MAGI1: variants seen among roughly 807,000 people sequenced by gnomAD.
The protein encoded by MAGI1 is membrane associated guanylate kinase, WW and PDZ domain containing 1, also known as membrane-associated guanylate kinase, WW and PDZ domain-containing protein 1.
MAGI1 carries 58 observed loss-of-function variants against 139.9 expected under a neutral mutation model. The observed-to-expected ratio is 0.41, with a 90% CI of 0.34 to 0.52. MAGI1 has a LOEUF of 0.52. Among genes scored for constraint, MAGI1 ranks in the 20% least tolerant of loss-of-function variants. MAGI1 has a pLI of 0.12. For missense variants in MAGI1, 1,874 were observed against 1,901.6 expected (o/e 0.99, Z 0.27); for synonymous variants, 812 against 737.9 (o/e 1.10, Z -1.63).
intron 5 of MAGI1, among the ~76,000 whole-genome samples, chr3:65,468,875 G>A (rs953793651): frequency 6.6e-5 from 10 of 151,644 alleles, no homozygotes; most frequent in Admixed American, 2.0e-4. Flanking sequence ...GATAGAGGCT[G>A]CAGTGAGCTA....
intron 1 of MAGI1, among the ~76,000 whole-genome samples, chr3:65,647,699 C>T (rs891667999): frequency 9.2e-5 from 14 of 152,108 alleles, no homozygotes; most frequent in African/African-American, 3.4e-4. Flanking sequence ...TAAGATTCAA[C>T]ATTCTTTTAT....
intron 2 of MAGI1, among the ~76,000 whole-genome samples, chr3:65,598,298 G>A (rs2082323405): frequency 1.3e-5 from 2 of 152,172 alleles, no homozygotes; most frequent in Non-Finnish European, 2.9e-5. Flanking sequence ...GGCCCTGTGG[G>A]AGCCCCTGGA....
At chr3:65,626,099 A>G (rs550815622) in intron 1 of MAGI1, among the ~76,000 whole-genome samples, 53 of 152,346 alleles carry the variant, frequency 3.5e-4, no homozygotes, top group Non-Finnish European at 6.3e-4. Context: ...AATTTCTCTT[A>G]GGTGACAAGA....
intron 2 of MAGI1, among the ~76,000 whole-genome samples, chr3:65,497,172 T>A (rs1214647944): frequency 1.3e-5 from 2 of 152,090 alleles, no homozygotes; most frequent in African/African-American, 4.8e-5. Flanking sequence ...TTAAGAGTGA[T>A]CAGTTGATTA....
chr3:65,784,930 C>A (rs1256751535), intron 1 of MAGI1, among the ~76,000 whole-genome samples: 1 of 152,100 alleles, frequency 6.6e-6, no homozygotes, highest in African/African-American at 2.4e-5. Flanking sequence ...AGATTTGTGG[C>A]TACCTAGGGC....
intron 2 of MAGI1, among the ~76,000 whole-genome samples, chr3:65,540,152 C>T (rs1487072614): frequency 6.6e-6 from 1 of 152,160 alleles, no homozygotes; most frequent in African/African-American, 2.4e-5. Context: ...GCTATAACAA[C>T]TTATGCTATA....
intron 1 of MAGI1, among the ~76,000 whole-genome samples, chr3:65,885,550 T>C (rs2060496303): frequency 6.6e-6 from 1 of 152,192 alleles, no homozygotes; most frequent in Non-Finnish European, 1.5e-5. Flanking sequence ...AATCCTTACA[T>C]GTCATGGAGG....
At chr3:65,396,240 T>C (rs62252614) in intron 13 of MAGI1, among the ~76,000 whole-genome samples, 240 of 152,342 alleles carry the variant, frequency 1.6e-3, no homozygotes, top group Non-Finnish European at 2.6e-3. Context: ...CCAATGCTAA[T>C]TGTTGTCATT....
chr3:65,666,156 G>C (rs1313763331), intron 1 of MAGI1, among the ~76,000 whole-genome samples: 1 of 152,178 alleles, frequency 6.6e-6, no homozygotes, highest in East Asian at 1.9e-4. Flanking sequence ...CCAGAGCAGG[G>C]ATTCACCATC....
rs781744702 is a variant in MAGI1, at chr3:65,780,031, AAGGGC to A, written c.314-157948_314-157944del. On this transcript the variant is annotated intron_variant, in intron 1 of 22. Transcript: ENST00000402939. ...CATGCTATCAATTTTTTGGGGGGGG[AAGGGC>A]AGGGGGGACATCATCTCACTCTGTG... 1.3e-4 allele frequency among the ~76,000 whole-genome samples: 17 copies of A among 130,810 alleles called. No homozygotes were observed. In the South Asian group the frequency reaches 1.5e-3, roughly 11 times the overall value. 85.8% of individuals were successfully genotyped at this position (130,810 alleles called of 152,430 possible).
At chr3:65,911,927 T>C (rs2108677588) in intron 1 of MAGI1, among the ~76,000 whole-genome samples, 1 of 152,320 alleles carries the variant, frequency 6.6e-6, no homozygotes, top group South Asian at 2.1e-4. Flanking sequence ...ATTTGGAGGA[T>C]AACCAGTCCA....
At chr3:66,029,868 ATCT>A (rs964512991) in intron 1 of MAGI1, among the ~76,000 whole-genome samples, 37 of 152,182 alleles carry the variant, frequency 2.4e-4, no homozygotes, top group African/African-American at 8.7e-4. Flanking sequence ...ACTCGACAAG[ATCT>A]TCATGGTGAC....
intron 1 of MAGI1, among the ~76,000 whole-genome samples, chr3:65,700,358 C>G (rs1403879360): frequency 6.6e-6 from 1 of 152,032 alleles, no homozygotes; most frequent in East Asian, 1.9e-4. Context: ...AGGAGAACTG[C>G]TTGAACCGGG....
chr3:65,793,128 C>T (rs74554717), intron 1 of MAGI1, among the ~76,000 whole-genome samples: 5,426 of 152,196 alleles, frequency 0.036, 135 homozygotes, highest in African/African-American at 0.068. Context: ...AGAAGTCATG[C>T]TTGGGAAGAC....
Position 65,548,509 on chromosome 3 carries a change from C to CTTTT in MAGI1, c.431-54879_431-54878insAAAA, listed in dbSNP as rs1306099660. ...TGAGCCCAGCTTTATGCAAACAACA[C>CTTTT]TCTTTTTTTTTTTTTTTTTTTTTTT... On this transcript the variant is annotated intron_variant, in intron 2 of 22. Coordinates refer to ENST00000402939, the MANE Select transcript of MAGI1 (RefSeq NM_001033057.2). Among the ~76,000 whole-genome samples the CTTTT allele has an allele frequency of 2.6e-3, 311 of 117,388 alleles. 32 individuals carry two copies. The highest frequency in any genetic ancestry group is 9.2e-3 in the Middle Eastern group (2 of 218). The allele number at this position is 117,388 out of a possible 152,430, so 77.0% of individuals were successfully genotyped here.
intron 9 of MAGI1, among the ~76,000 whole-genome samples, chr3:65,438,750 C>T (rs13092773): frequency 0.27 from 40,457 of 152,114 alleles, 5,593 homozygotes; most frequent in Middle Eastern, 0.31. Context: ...AAGGAGAATA[C>T]TTTGTGACAT....
chr3:65,497,436 A>G (rs1398173009), intron 2 of MAGI1, among the ~76,000 whole-genome samples: 2 of 152,188 alleles, frequency 1.3e-5, no homozygotes, highest in Non-Finnish European at 2.9e-5. Flanking sequence ...CAAACAGTCT[A>G]CATCACACTG....
At chr3:65,828,584 C>G (rs182076966) in intron 1 of MAGI1, among the ~76,000 whole-genome samples, 1 of 152,258 alleles carries the variant, frequency 6.6e-6, no homozygotes, top group Non-Finnish European at 1.5e-5. Flanking sequence ...GAAATCTAAG[C>G]AAATTAACAC....
At chr3:65,441,491 A>C (rs1948324275) in intron 8 of MAGI1, among the ~76,000 whole-genome samples, 1 of 152,172 alleles carries the variant, frequency 6.6e-6, no homozygotes, top group Non-Finnish European at 1.5e-5. Flanking sequence ...CAGGCACATG[A>C]ATCTGAAAAG....
Sources: allele counts gnomAD v4.1 joint callset (sites outside exome capture counted in the v4.1 genomes callset), GRCh38; gene constraint gnomAD v4.1.1; transcripts MANE v1.5; gene names NCBI Gene and HGNC (gene_info 2026-07-23, HGNC 2026-07-21).